SLC2A3: variants seen among roughly 807,000 people sequenced by gnomAD.
SLC2A3 encodes the protein solute carrier family 2, facilitated glucose transporter member 3.
A neutral mutation model predicts 46.4 loss-of-function variants in SLC2A3; 21 were observed. The ratio of observed to expected loss-of-function variants is 0.45; its 90% confidence interval spans 0.32 to 0.65. The LOEUF (loss-of-function observed/expected upper bound fraction) is 0.65, where lower values mean the gene tolerates loss of function less well. Among genes scored for constraint, SLC2A3 ranks in the 30% least tolerant of loss-of-function variants. The pLI, the probability that SLC2A3 is intolerant of heterozygous loss-of-function variation, is 0.04. For missense variants in SLC2A3, 499 were observed against 623.3 expected, an observed-to-expected ratio of 0.80 and a Z score of 2.12; for synonymous variants, 213 against 239.4, an observed-to-expected ratio of 0.89 and a Z score of 1.02.
At position 7,931,380 on chromosome 12, in the gene SLC2A3, C is replaced by A. The variant is rs183384913; in HGVS notation, c.375G>T (p.Leu125Phe). The A allele has an allele frequency of 5.5e-5, 88 of 1,614,140 alleles. 1 individual carries two copies. In the African/African-American group the frequency reaches 1.1e-3, roughly 20 times the overall value. Residue 125 changes from leucine to phenylalanine, a missense_variant, in exon 4 of 10, where the codon TTG becomes TTT. Transcript: ENST00000075120. ...KSVEMLILGR[L>F]VIGLFCGLCT... ...AGAGTCCGCAGAAGAGGCCAATAAC[C>A]AAGCGACCCAGGATCAGCATTTCAA... is the stretch of plus-strand genomic sequence containing the variant.
chr12:7,923,040 AC>A lies in SLC2A3; in HGVS notation c.1069-17del. The A allele has an allele frequency of 6.2e-7, 1 of 1,602,260 alleles. No individual in the cohort carries two copies. The highest frequency in any genetic ancestry group is 8.5e-7 in the Non-Finnish European group (1 of 1,174,562). On this transcript the variant is annotated splice_polypyrimidine_tract_variant and intron_variant, in intron 8 of 9. Coordinates refer to ENST00000075120, the MANE Select transcript of SLC2A3 (RefSeq NM_006931.3). ...TATAGTTATCCTGTAAGAGCAAGGA[AC>A]AGAGAAAATTAAATTTAAAGACAGT...
chr12:7,931,034 G>T (rs1946149266), intron 4 of SLC2A3, among the ~76,000 whole-genome samples: 1 of 152,030 alleles, frequency 6.6e-6, no homozygotes, highest in South Asian at 2.1e-4. Flanking sequence ...CTGACCTCGT[G>T]ATCTGCCCAC....
intron 1 of SLC2A3, among the ~76,000 whole-genome samples, chr12:7,934,535 T>C (rs968070135): frequency 2.6e-5 from 4 of 152,048 alleles, no homozygotes; most frequent in Non-Finnish European, 4.4e-5. Context: ...ACCCAACATA[T>C]AAGGGCGAAC....
At chr12:7,925,640 T>G (rs1946087670) in intron 7 of SLC2A3, 2 of 543,588 alleles carry the variant, frequency 3.7e-6, no homozygotes, top group South Asian at 4.2e-5. Flanking sequence ...ATATAGTCCC[T>G]TCTATACTCC....
chr12:7,919,950 C>T lies in SLC2A3; in HGVS notation c.*1463G>A, dbSNP rs1351017254. ...AAGTGACAGTGCACATACATTCATC[C>T]TCTCAAGTGTGGGCTACACTGCACA... On this transcript the variant is annotated 3_prime_UTR_variant, in exon 10 of 10. Transcript: ENST00000075120. 2 of 152,146 alleles carry T rather than the reference C, an allele frequency of 1.3e-5. No homozygotes were observed. The highest frequency in any genetic ancestry group is 2.9e-5 in the Non-Finnish European group (2 of 68,052). The allele number at this position is 152,146 out of a possible 1,614,324, so 9.4% of individuals were successfully genotyped here. A position where few individuals can be genotyped will look rare whatever the true frequency, so the allele number is the denominator to read the frequency against.
chr12:7,929,801 C>A lies in SLC2A3; in HGVS notation c.744G>T (p.Arg248Ser), dbSNP rs1355569169. 2.5e-6 allele frequency: 4 copies of A among 1,613,714 alleles called. No individual in the cohort carries two copies. Among genetic ancestry groups the A allele is most frequent in the Admixed American group, 1.7e-5 (1 of 59,950 alleles). ...CGGTGACTTGCTTTTCTTGTGACATCCTTGCACTCTCATCTTTCATCTCCT... is the reference window on the plus strand; with the variant it reads ...CGGTGACTTGCTTTTCTTGTGACATACTTGCACTCTCATCTTTCATCTCCT... ...DIQEMKDESA[R>S]MSQEKQVTVL... Residue 248 changes from arginine (R) to serine (S), a missense_variant, in exon 6 of 10, where the codon AGG (arginine) becomes AGT (serine). Transcript: ENST00000075120.
intron 8 of SLC2A3, 157 bp from the exon 9 acceptor site, chr12:7,923,181 T>C: frequency 1.3e-6 from 1 of 777,456 alleles, no homozygotes; most frequent in Non-Finnish European, 2.0e-6. Flanking sequence ...TTTATTTTTA[T>C]TTTTTGAGAC....
chr12:7,928,032 G>A lies in SLC2A3; in HGVS notation c.861+1652C>T, dbSNP rs28565319. 2.2e-3 allele frequency among the ~76,000 whole-genome samples: 337 copies of A among 152,182 alleles called. 4 individuals carry two copies. Among genetic ancestry groups the A allele is most frequent in the African/African-American group, 7.4e-3 (309 of 41,552 alleles). On this transcript the variant is annotated intron_variant, in intron 6 of 9. Transcript: ENST00000075120. ...GAGGCAGGAGAATCATTTGAACCCA[G>A]GAGATGGAGGTTGTGGTGAGCTGAG...
At chr12:7,934,466 A>G (rs772234648) in intron 1 of SLC2A3, among the ~76,000 whole-genome samples, 1 of 151,814 alleles carries the variant, frequency 6.6e-6, no homozygotes, top group East Asian at 1.9e-4. Context: ...GTCTTCGTTT[A>G]TTAAATACAG....
chr12:7,925,762 G>A (rs1946089073), intron 7 of SLC2A3, 82 bp downstream of exon 7: 2 of 1,077,800 alleles, frequency 1.9e-6, no homozygotes, highest in South Asian at 1.3e-5. Flanking sequence ...ACTAAATGAT[G>A]GTAGGGTCAT....
chr12:7,933,955 G>A, intron 1 of SLC2A3, 53 bp from the exon 2 acceptor site: 2 of 1,527,480 alleles, frequency 1.3e-6, no homozygotes, highest in East Asian at 4.5e-5. Flanking sequence ...TGTGATTGAT[G>A]ACTGTTTCTT....
At position 7,921,466 on chromosome 12, in the gene SLC2A3, C is replaced by T. The variant is rs115853829; in HGVS notation, c.1438G>A (p.Val480Ile). ...HGADRSGKDGVMEMNSIEPAK... is the reference protein window; with the variant it reads ...HGADRSGKDGIMEMNSIEPAK... The stretch of plus-strand genomic sequence containing the variant: ...GGCTCGATGCTGTTCATCTCCATGA[C>T]GCCGTCCTTTCCAGATCTATCTGCA... The change falls in exon 10 of 10, where the codon GTC becomes ATC. Residue 480 changes from valine to isoleucine, a missense_variant. Coordinates refer to ENST00000075120, the MANE Select transcript of SLC2A3 (RefSeq NM_006931.3). 84 of 1,613,966 alleles carry T rather than the reference C, an allele frequency of 5.2e-5. 1 individual carries two copies. The South Asian group carries it at 7.7e-4, about 15-fold the overall frequency.
chr12:7,924,351 A>G (rs1387176719), intron 8 of SLC2A3, 59 bp downstream of exon 8: 1 of 1,589,420 alleles, frequency 6.3e-7, no homozygotes, highest in Non-Finnish European at 8.5e-7. Flanking sequence ...GTGTCACAGA[A>G]GTCAACTGTA....
intron 5 of SLC2A3, 93 bp from the exon 6 acceptor site, chr12:7,929,964 G>T (rs1946134980): frequency 6.4e-7 from 1 of 1,553,714 alleles, no homozygotes; most frequent in Non-Finnish European, 8.7e-7. Flanking sequence ...GCCGCACGAG[G>T]TGAGGTGATG....
Position 7,933,885 on chromosome 12 carries a change from T to G in SLC2A3, c.33A>C (p.Ile11=), listed in dbSNP as rs763999498. 95 of 1,613,944 alleles carry G rather than the reference T, an allele frequency of 5.9e-5. No individual in the cohort carries two copies. The East Asian group carries it at 1.1e-3, about 19-fold the overall frequency. The change falls in exon 2 of 10, where the codon ATA becomes ATC. Residue 11 remains isoleucine (I), a synonymous_variant. Transcript: ENST00000075120. MGTQKVTPAL[I]FAITVATIGS... Reference sequence around the variant, plus strand: ...CGATTGTAGCAACTGTGATGGCAAATATCAGAGCTGGGGTGACCTGGAGGG... The same window carrying G: ...CGATTGTAGCAACTGTGATGGCAAAGATCAGAGCTGGGGTGACCTGGAGGG...
intron 6 of SLC2A3, 142 bp downstream of exon 6, chr12:7,929,542 G>A: frequency 1.6e-6 from 2 of 1,265,754 alleles, no homozygotes; most frequent in Non-Finnish European, 2.2e-6. Context: ...ATAGCTCACT[G>A]CAACCTGAAA....
intron 6 of SLC2A3, 149 bp downstream of exon 6, chr12:7,929,535 G>A: frequency 8.7e-7 from 1 of 1,146,648 alleles, no homozygotes; most frequent in Non-Finnish European, 1.2e-6. Context: ...CATAATTATA[G>A]CTCACTGCAA....
intron 8 of SLC2A3, 65 bp from the exon 9 acceptor site, chr12:7,923,089 A>G (rs741361): frequency 0.39 from 574,127 of 1,463,954 alleles, 112,210 homozygotes; most frequent in East Asian, 0.49. Context: ...CTAGGTTCCC[A>G]GAAGCAATTA....
intron 5 of SLC2A3, 51 bp from the exon 6 acceptor site, chr12:7,929,922 A>AT (rs1946134569): frequency 6.2e-7 from 1 of 1,612,470 alleles, no homozygotes; most frequent in Non-Finnish European, 8.5e-7. Context: ...GCTGCCCCAA[A>AT]TTCATTCTTC....
Sources: allele counts gnomAD v4.1 joint callset (sites outside exome capture counted in the v4.1 genomes callset), GRCh38; gene constraint gnomAD v4.1.1; transcripts MANE v1.5; gene names NCBI Gene and HGNC (gene_info 2026-07-23, HGNC 2026-07-21).